The following RASSF3 variants were observed in gnomAD, a reference collection of about 807,000 sequenced individuals.
The protein encoded by RASSF3 is ras association domain-containing protein 3.
In RASSF3, 19 loss-of-function variants were observed where a neutral mutation model predicts 19.9. The observed-to-expected ratio is 0.96, with a 90% CI of 0.67 to 1.40. The LOEUF (loss-of-function observed/expected upper bound fraction) is 1.40. Ranked by LOEUF, RASSF3 falls within the 40% of genes most tolerant of loss-of-function variation. The pLI is 0.00. For synonymous variants in RASSF3, 110 were observed against 104.2 expected (o/e 1.06, Z -0.34); for missense variants, 306 against 289.8 (o/e 1.06, Z -0.41).
upstream of RASSF3, chr12:64,610,402 G>A (rs1487232992): frequency 1.3e-5 from 2 of 154,154 alleles, no homozygotes; most frequent in African/African-American, 4.9e-5. Flanking sequence ...GCCCGTCCGG[G>A]GCGGGGCCCA....
At chr12:64,555,732 G>C (rs1869245608) in intron 2 of RASSF3, among the ~76,000 whole-genome samples, 1 of 145,338 alleles carries the variant, frequency 6.9e-6, no homozygotes, top group South Asian at 2.3e-4. Flanking sequence ...CTGGGCAACA[G>C]AGCAAGACTC....
chr12:64,519,997 G>GA (rs1214442351), intron 1 of RASSF3, among the ~76,000 whole-genome samples: 1 of 151,998 alleles, frequency 6.6e-6, no homozygotes, highest in East Asian at 1.9e-4. Flanking sequence ...CACCCTGTCT[G>GA]TCAAATGGGG....
chr12:64,522,665 G>C (rs1310495971), intron 1 of RASSF3, among the ~76,000 whole-genome samples: 1 of 152,082 alleles, frequency 6.6e-6, no homozygotes, highest in Non-Finnish European at 1.5e-5. Context: ...TATGAAACTT[G>C]TGTGCCAGGA....
chr12:64,658,467 G>T (rs1419666659), intron 1 of RASSF3, among the ~76,000 whole-genome samples: 1 of 152,176 alleles, frequency 6.6e-6, no homozygotes, highest in South Asian at 2.1e-4. Context: ...TTGTAAGCAT[G>T]GTTATGGAGC....
At chr12:64,656,778 T>C (rs534688478) in intron 1 of RASSF3, among the ~76,000 whole-genome samples, 2 of 152,320 alleles carry the variant, frequency 1.3e-5, no homozygotes, top group South Asian at 2.1e-4. Context: ...GTCCCTTAAT[T>C]TGTGGACCAT....
upstream of RASSF3, among the ~76,000 whole-genome samples, chr12:64,529,212 G>C (rs576238887): frequency 5.1e-4 from 77 of 152,278 alleles, no homozygotes; most frequent in Middle Eastern, 6.8e-3. Context: ...ACAATTCTAA[G>C]TATCTTTAAT....
intron 3 of RASSF3, among the ~76,000 whole-genome samples, chr12:64,690,530 C>T (rs1053098611): frequency 6.6e-6 from 1 of 152,034 alleles, no homozygotes; most frequent in East Asian, 1.9e-4. Context: ...GGCTGGAGTA[C>T]CATGGCATGA....
chr12:64,624,423 G>GT (rs1006473762), intron 1 of RASSF3, among the ~76,000 whole-genome samples: 1 of 151,684 alleles, frequency 6.6e-6, no homozygotes, highest in Admixed American at 6.6e-5. Context: ...GTACCTCTTT[G>GT]TTTTTTTAAT....
intron 1 of RASSF3, among the ~76,000 whole-genome samples, chr12:64,508,939 AAG>A (rs1555206307): frequency 1.3e-5 from 2 of 152,142 alleles, no homozygotes; most frequent in Non-Finnish European, 2.9e-5. Context: ...TTAAAAAAAA[AAG>A]AAATTTATAA....
At chr12:64,673,566 A>T (rs1592461314) in intron 1 of RASSF3, among the ~76,000 whole-genome samples, 1 of 151,972 alleles carries the variant, frequency 6.6e-6, no homozygotes, top group African/African-American at 2.4e-5. Flanking sequence ...GTTGAGACAG[A>T]CCCCACAGAG....
chr12:64,542,972 T>G (rs1174053754), downstream of RASSF3, among the ~76,000 whole-genome samples: 2 of 151,490 alleles, frequency 1.3e-5, no homozygotes, highest in East Asian at 2.0e-4. Flanking sequence ...GCCAGCTAGA[T>G]AGAGTTCCGG....
intron 1 of RASSF3, chr12:64,622,462 T>C (rs758628392): frequency 1.9e-6 from 1 of 530,888 alleles, no homozygotes; most frequent in African/African-American, 1.9e-5. Flanking sequence ...TGTTTACTTA[T>C]AGGCTTACTG....
At chr12:64,573,855 A>T (rs1014258726) in intron 2 of RASSF3, among the ~76,000 whole-genome samples, 3 of 152,194 alleles carry the variant, frequency 2.0e-5, no homozygotes, top group African/African-American at 7.2e-5. Context: ...AAAAGTAAGG[A>T]TTAGACAGGG....
chr12:64,555,168 C>G (rs1028647552), intron 2 of RASSF3, among the ~76,000 whole-genome samples: 3 of 151,610 alleles, frequency 2.0e-5, no homozygotes, highest in Admixed American at 2.0e-4. Context: ...CGCTTGAACC[C>G]GGGAGATGGA....
chr12:64,657,795 GGT>G (rs1465617846), intron 1 of RASSF3, among the ~76,000 whole-genome samples: 1 of 152,224 alleles, frequency 6.6e-6, no homozygotes, highest in African/African-American at 2.4e-5. Flanking sequence ...GTCAGGGCCA[GGT>G]GTGTTGGTTC....
At chr12:64,689,220 G>GGTGT (rs10688391) in intron 3 of RASSF3, among the ~76,000 whole-genome samples, 1,715 of 147,524 alleles carry the variant, frequency 0.012, 35 homozygotes, top group African/African-American at 0.039. Context: ...TTGAAATCGG[G>GGTGT]GTGTGTGTGT....
At chr12:64,608,697 A>G (rs1362214180), upstream of RASSF3, among the ~76,000 whole-genome samples, 3 of 152,240 alleles carry the variant, frequency 2.0e-5, no homozygotes, top group Non-Finnish European at 4.4e-5. Context: ...AAAATGAGTA[A>G]TTTAAGCCCT....
intron 1 of RASSF3, among the ~76,000 whole-genome samples, chr12:64,513,116 T>C (rs1868338277): frequency 6.6e-6 from 1 of 151,930 alleles, no homozygotes; most frequent in Non-Finnish European, 1.5e-5. Context: ...TATAACACAT[T>C]GGACAAGCAG....
chr12:64,661,498 C>CA (rs2136198704), intron 1 of RASSF3, among the ~76,000 whole-genome samples: 1 of 151,926 alleles, frequency 6.6e-6, no homozygotes, highest in African/African-American at 2.4e-5. Context: ...AAAAGGGGCG[C>CA]AGGGGGTTCT....
Sources: gnomAD v4.1 joint callset for allele counts (sites outside exome capture counted in the v4.1 genomes callset) on GRCh38, gnomAD v4.1.1 for gene constraint, MANE v1.5 for transcripts, NCBI Gene and HGNC (gene_info 2026-07-23, HGNC 2026-07-21) for gene names.